DPYSL5: variants seen among roughly 807,000 people sequenced by gnomAD.
DPYSL5 encodes the protein dihydropyrimidinase-related protein 5.
A neutral mutation model predicts 58.4 loss-of-function variants in DPYSL5; 9 were observed. The observed-to-expected ratio is 0.15, with a 90% confidence interval of 0.09 to 0.27. The LOEUF (loss-of-function observed/expected upper bound fraction) is 0.27. Among genes scored for constraint, DPYSL5 ranks in the 10% least tolerant of loss-of-function variants. The pLI, the probability that DPYSL5 is intolerant of heterozygous loss-of-function variation, is 1.00. For missense variants in DPYSL5, 499 were observed against 770.6 expected (o/e 0.65, Z 4.17); for synonymous variants, 293 against 301.9 (o/e 0.97, Z 0.31).
chr2:26,899,397 T>C (rs769784610), intron 2 of DPYSL5, among the ~76,000 whole-genome samples: 10 of 152,202 alleles, frequency 6.6e-5, no homozygotes, highest in Non-Finnish European at 1.2e-4. Flanking sequence ...AAAAGAGCCA[T>C]GAATGGGCTT....
intron 5 of DPYSL5, among the ~76,000 whole-genome samples, chr2:26,931,151 A>AT (rs1558350515): frequency 2.6e-4 from 10 of 38,630 alleles, no homozygotes; most frequent in African/African-American, 6.6e-4. Context: ...AAAAAAAAAA[A>AT]AATATATATA....
intron 2 of DPYSL5, among the ~76,000 whole-genome samples, chr2:26,913,524 C>T (rs1427971062): frequency 6.6e-6 from 1 of 152,170 alleles, no homozygotes; most frequent in East Asian, 1.9e-4. Flanking sequence ...CTATGGATAC[C>T]TAGGTTGCTA....
At chr2:26,852,893 TATC>T (rs1309616222) in intron 1 of DPYSL5, among the ~76,000 whole-genome samples, 2 of 152,158 alleles carry the variant, frequency 1.3e-5, no homozygotes, top group African/African-American at 4.8e-5. Context: ...CAGTAAAAGT[TATC>T]ATCACCATCA....
intron 2 of DPYSL5, among the ~76,000 whole-genome samples, chr2:26,921,605 A>G (rs1015480078): frequency 2.6e-5 from 4 of 152,164 alleles, no homozygotes; most frequent in Non-Finnish European, 5.9e-5. Flanking sequence ...TGTGGGTTGG[A>G]ATGGTACATA....
intron 8 of DPYSL5, among the ~76,000 whole-genome samples, chr2:26,936,295 G>A (rs1173628104): frequency 2.6e-5 from 4 of 152,174 alleles, no homozygotes; most frequent in Non-Finnish European, 4.4e-5. Flanking sequence ...TGGCCCCACC[G>A]AAGATGGCTG....
intron 1 of DPYSL5, among the ~76,000 whole-genome samples, chr2:26,871,215 A>G (rs769358053): frequency 4.6e-5 from 7 of 152,162 alleles, no homozygotes; most frequent in African/African-American, 7.2e-5. Context: ...GGCCTTTTAC[A>G]GAAAAAATCT....
At chr2:26,909,427 T>C (rs909470313) in intron 2 of DPYSL5, among the ~76,000 whole-genome samples, 7 of 152,214 alleles carry the variant, frequency 4.6e-5, no homozygotes, top group Non-Finnish European at 1.0e-4. Context: ...TGTTTAGACT[T>C]AAACGATCCA....
intron 1 of DPYSL5, among the ~76,000 whole-genome samples, chr2:26,884,100 G>C (rs543466246): frequency 6.6e-6 from 1 of 152,200 alleles, no homozygotes; most frequent in East Asian, 1.9e-4. Context: ...CTGGGGCCTG[G>C]AGACAGCTGG....
chr2:26,863,952 A>T (rs935745341), intron 1 of DPYSL5, among the ~76,000 whole-genome samples: 1 of 152,230 alleles, frequency 6.6e-6, no homozygotes, highest in Non-Finnish European at 1.5e-5. Flanking sequence ...CAGAAATTAC[A>T]TATAGTTAGA....
chr2:26,895,785 T>C (rs1176023689), intron 1 of DPYSL5, among the ~76,000 whole-genome samples: 1 of 143,168 alleles, frequency 7.0e-6, no homozygotes, highest in East Asian at 2.0e-4. Flanking sequence ...CTTTTTTTTT[T>C]TTTTTTTTTT....
rs1181800486 is a variant in DPYSL5 at position 26,942,639 on chromosome 2, G to A, written c.1329G>A (p.Gly443=). 6.2e-7 allele frequency: 1 copy of A among 1,614,174 alleles called. No individual in the cohort carries two copies. Among genetic ancestry groups the A allele is most frequent in the Non-Finnish European group, 8.5e-7 (1 of 1,180,038 alleles). The part of the protein sequence containing the change: ...HGVPLVTISR[G]RVVYENGVFM... ...TGCCACTGGTCACCATCAGCCGGGGGCGCGTCGTGTATGAGAACGGCGTCT... is the reference window on the plus strand; with the variant it reads ...TGCCACTGGTCACCATCAGCCGGGGACGCGTCGTGTATGAGAACGGCGTCT... Residue 443 remains glycine, a synonymous_variant, in exon 11 of 13, where the codon GGG becomes GGA. Transcript: ENST00000288699. This position sits in a 1 kb window ranked among gnomAD's most constrained non-coding sequence, Gnocchi z 5.9.
chr2:26,890,960 T>G (rs188055659), intron 1 of DPYSL5, among the ~76,000 whole-genome samples: 137 of 152,254 alleles, frequency 9.0e-4, no homozygotes, highest in Non-Finnish European at 2.5e-4. Context: ...CCCTTAAAAC[T>G]TTCTAAGAGG....
At chr2:26,899,420 C>T (rs937830261) in intron 2 of DPYSL5, among the ~76,000 whole-genome samples, 3 of 152,168 alleles carry the variant, frequency 2.0e-5, no homozygotes, top group Admixed American at 1.3e-4. Flanking sequence ...TTACCCTTCC[C>T]GTGTGCTCCA....
chr2:26,913,918 C>T (rs373419905), intron 2 of DPYSL5, among the ~76,000 whole-genome samples: 3 of 149,712 alleles, frequency 2.0e-5, no homozygotes, highest in African/African-American at 7.4e-5. Context: ...TTTCTCTCAC[C>T]AGTGGGTGTT....
chr2:26,882,965 G>A lies in DPYSL5; in HGVS notation c.-4-15531G>A, dbSNP rs1264142479. ...ATATAGAAAGTCTGGAAAATTAGGGGGGCAGAAATCCCTTGTTATCCCACA... is the reference window on the plus strand; with the variant it reads ...ATATAGAAAGTCTGGAAAATTAGGGAGGCAGAAATCCCTTGTTATCCCACA... On this transcript the variant is annotated intron_variant, in intron 1 of 12. Coordinates refer to ENST00000288699, the MANE Select transcript of DPYSL5 (RefSeq NM_020134.4). 2.0e-5 allele frequency among the ~76,000 whole-genome samples: 3 copies of A among 151,402 alleles called. 1 individual carries two copies. Among genetic ancestry groups the A allele is most frequent in the Admixed American group, 2.0e-4 (3 of 15,210 alleles).
intron 1 of DPYSL5, among the ~76,000 whole-genome samples, chr2:26,895,053 T>C (rs943506000): frequency 6.6e-6 from 1 of 152,256 alleles, no homozygotes; most frequent in Non-Finnish European, 1.5e-5. Context: ...GAAAAGACTG[T>C]CCTCCCTTCA....
At chr2:26,907,295 G>GT (rs1664320363) in intron 2 of DPYSL5, among the ~76,000 whole-genome samples, 1 of 151,800 alleles carries the variant, frequency 6.6e-6, no homozygotes, top group South Asian at 2.1e-4. Context: ...TGTATTTTTA[G>GT]TAGAGACGGA....
Position 26,924,366 on chromosome 2 carries a change from G to T in DPYSL5, c.262-521G>T, listed in dbSNP as rs1664774632. Among the ~76,000 whole-genome samples the T allele has an allele frequency of 6.6e-6, 1 of 152,130 alleles. No homozygotes were observed. The highest frequency in any genetic ancestry group is 2.4e-5 in the African/African-American group (1 of 41,416). On this transcript the variant is annotated intron_variant, in intron 2 of 12. Transcript: ENST00000288699. The surrounding 1 kb of genome is among the most constrained non-coding windows in gnomAD (Gnocchi z 4.7). The stretch of plus-strand genomic sequence containing the variant: ...CAAAATTGCTTCATGAAATTTGAGA[G>T]CATAAAACAAAACAATATATCCAAA...
In DPYSL5 at chr2:26,942,524, G is replaced by A. The variant is rs745322561; in HGVS notation, c.1233-19G>A. 20 of 1,609,616 alleles carry A rather than the reference G, an allele frequency of 1.2e-5. No homozygotes were observed. In the African/African-American group the frequency reaches 1.7e-4, roughly 14 times the overall value. On this transcript the variant is annotated intron_variant, in intron 10 of 12. Coordinates refer to ENST00000288699, the MANE Select transcript of DPYSL5 (RefSeq NM_020134.4). This position sits in a 1 kb window ranked among gnomAD's most constrained non-coding sequence, Gnocchi z 5.9. ...ACCTGTCCTCAGCGCTTTCTCTCCC[G>A]CCATTGCCTCCCCACCAGGACCATC...
Sources: gnomAD v4.1 joint callset for allele counts (sites outside exome capture counted in the v4.1 genomes callset) on GRCh38, gnomAD v4.1.1 for gene constraint, Gnocchi (gnomAD v3.1) non-coding constraint, MANE v1.5 for transcripts, NCBI Gene and HGNC (gene_info 2026-07-23, HGNC 2026-07-21) for gene names.